The following SELENOI variants were observed in gnomAD, a reference collection of about 807,000 sequenced individuals.
SELENOI encodes selenoprotein I, also known as ethanolaminephosphotransferase 1.
SELENOI carries 24 observed loss-of-function variants against 50.7 expected under a neutral mutation model. The ratio of observed to expected loss-of-function variants is 0.47; its 90% CI spans 0.34 to 0.67. The LOEUF (loss-of-function observed/expected upper bound fraction) is 0.67, where lower values mean the gene tolerates loss of function less well. Among genes scored for constraint, SELENOI ranks in the 30% least tolerant of loss-of-function variants. The pLI is 0.01. For synonymous variants in SELENOI, 155 were observed against 170.2 expected (o/e 0.91, Z 0.70); for missense variants, 352 against 461.4 (o/e 0.76, Z 2.17).
At chr2:26,364,490 TC>T in intron 2 of SELENOI, 120 bp downstream of exon 2, 4 of 669,484 alleles carry the variant, frequency 6.0e-6, no homozygotes, top group Middle Eastern at 8.2e-4. Flanking sequence ...AAACCACCCT[TC>T]CCCAATCACA....
chr2:26,370,836 A>T (rs867339570), intron 4 of SELENOI, among the ~76,000 whole-genome samples: 1 of 38,158 alleles, frequency 2.6e-5, no homozygotes, highest in African/African-American at 1.0e-4. Flanking sequence ...GGGGGCTGAC[A>T]CCCCCACCTC....
chr2:26,382,514 TA>T (rs896034102), intron 6 of SELENOI, among the ~76,000 whole-genome samples: 11 of 152,098 alleles, frequency 7.2e-5, no homozygotes, highest in Non-Finnish European at 1.3e-4. Context: ...ACACAGTGAA[TA>T]AAAAAGTGCT....
intron 9 of SELENOI, among the ~76,000 whole-genome samples, chr2:26,387,219 A>G (rs1677860922): frequency 6.6e-6 from 1 of 152,226 alleles, no homozygotes; most frequent in Non-Finnish European, 1.5e-5. Flanking sequence ...ACGAATATAG[A>G]TATAATGAAA....
intron 1 of SELENOI, among the ~76,000 whole-genome samples, chr2:26,356,900 A>G (rs1677075381): frequency 6.6e-6 from 1 of 151,924 alleles, no homozygotes; most frequent in Non-Finnish European, 1.5e-5. Context: ...GTCTTTGTAC[A>G]TGTTATTGTT....
intron 1 of SELENOI, among the ~76,000 whole-genome samples, chr2:26,352,207 G>A (rs1676974919): frequency 6.6e-6 from 1 of 152,126 alleles, no homozygotes; most frequent in African/African-American, 2.4e-5. Context: ...AGGTTTTGGG[G>A]AGCCACTGTT....
At chr2:26,386,660 AG>A in intron 9 of SELENOI, 124 bp downstream of exon 9, 1 of 778,136 alleles carries the variant, frequency 1.3e-6, no homozygotes, top group Non-Finnish European at 1.9e-6. Context: ...AGTAGCTGTA[AG>A]GGTTTTGGGA....
chr2:26,351,350 A>T (rs1442489390), intron 1 of SELENOI, among the ~76,000 whole-genome samples: 2 of 152,066 alleles, frequency 1.3e-5, no homozygotes, highest in Non-Finnish European at 2.9e-5. Flanking sequence ...GAGCCACTAC[A>T]CCTGGCCTGT....
At chr2:26,372,993 A>G (rs1318109259) in intron 4 of SELENOI, among the ~76,000 whole-genome samples, 1 of 152,170 alleles carries the variant, frequency 6.6e-6, no homozygotes, top group African/African-American at 2.4e-5. Flanking sequence ...GGCTCAAACA[A>G]TCTTCCCACC....
chr2:26,350,518 C>T (rs1251231508), intron 1 of SELENOI, among the ~76,000 whole-genome samples: 2 of 152,150 alleles, frequency 1.3e-5, no homozygotes, highest in African/African-American at 4.8e-5. Flanking sequence ...CGTGCCTGGC[C>T]ATCATACAGT....
In SELENOI at chr2:26,364,813, AATT is replaced by A; in HGVS notation, c.127-15_127-13del. The A allele has an allele frequency of 7.1e-6, 11 of 1,556,106 alleles. No individual in the cohort carries two copies. Among genetic ancestry groups the A allele is most frequent in the Non-Finnish European group, 9.7e-6 (11 of 1,136,350 alleles). ...GATTCCTCTACTTTAATTATTTTAT[AATT>A]ATTTTGCAAAAATAGGTATTTCCTA... On this transcript the variant is annotated splice_polypyrimidine_tract_variant and intron_variant, in intron 2 of 9. Transcript: ENST00000260585.
intron 1 of SELENOI, among the ~76,000 whole-genome samples, chr2:26,354,183 AAG>A (rs1376233378): frequency 6.6e-6 from 1 of 152,150 alleles, no homozygotes; most frequent in Non-Finnish European, 1.5e-5. Context: ...CCATCTGAGA[AAG>A]AGGTACTATT....
chr2:26,371,956 T>C lies in SELENOI; in HGVS notation c.311-1411T>C, dbSNP rs773278913. ...AAATGACATACTTCTTTATCTCTTATCAGCTGAAATCCAACTCATTCTTTA... is the reference window on the plus strand; with the variant it reads ...AAATGACATACTTCTTTATCTCTTACCAGCTGAAATCCAACTCATTCTTTA... On this transcript the variant is annotated intron_variant, in intron 4 of 9. Transcript: ENST00000260585. Among the ~76,000 whole-genome samples the C allele has an allele frequency of 6.2e-4, 94 of 152,148 alleles. 1 individual carries two copies. The highest frequency in any genetic ancestry group is 1.0e-3 in the Non-Finnish European group (68 of 68,014).
intron 1 of SELENOI, among the ~76,000 whole-genome samples, chr2:26,361,535 A>G (rs1308589889): frequency 6.6e-6 from 1 of 152,224 alleles, no homozygotes; most frequent in African/African-American, 2.4e-5. Context: ...GTTAAAATGA[A>G]ACCTTGGTTA....
At chr2:26,357,438 G>T (rs1184460036) in intron 1 of SELENOI, among the ~76,000 whole-genome samples, 3 of 152,148 alleles carry the variant, frequency 2.0e-5, no homozygotes, top group Non-Finnish European at 2.9e-5. Flanking sequence ...TCCTAAGGCT[G>T]CCATAAAAAT....
At chr2:26,359,891 G>T (rs540309931) in intron 1 of SELENOI, among the ~76,000 whole-genome samples, 1 of 152,230 alleles carries the variant, frequency 6.6e-6, no homozygotes, top group African/African-American at 2.4e-5. Flanking sequence ...ATATACAATG[G>T]TGTATAAGGT....
At chr2:26,355,045 G>C (rs575296893) in intron 1 of SELENOI, among the ~76,000 whole-genome samples, 1 of 152,338 alleles carries the variant, frequency 6.6e-6, no homozygotes, top group Admixed American at 6.5e-5. Flanking sequence ...CCTCATCTGT[G>C]AAATGGAGTA....
chr2:26,363,653 T>G (rs2147949540), intron 1 of SELENOI, among the ~76,000 whole-genome samples: 1 of 152,364 alleles, frequency 6.6e-6, no homozygotes, highest in South Asian at 2.1e-4. Flanking sequence ...ACTTCCCCTA[T>G]GATAATATCT....
rs28622524 is a variant in SELENOI, at chr2:26,393,829, C to T, written c.*4726C>T. 101 of 152,252 alleles carry T rather than the reference C, an allele frequency of 6.6e-4. No homozygotes were observed. The highest frequency in any genetic ancestry group is 2.3e-3 in the African/African-American group (96 of 41,540). The allele number at this position is 152,252 out of a possible 1,614,324, so 9.4% of individuals were successfully genotyped here. On this transcript the variant is annotated 3_prime_UTR_variant, in exon 10 of 10. Transcript: ENST00000260585. ...CTGAAGTTAGAGACAGTACTGAAGA[C>T]GAGGGAGTAGCTAAATGCTGTGGAT...
At chr2:26,381,198 CTTTTTTTTTTTTTTTTTTT>C (rs57102834) in intron 6 of SELENOI, among the ~76,000 whole-genome samples, 2 of 30,188 alleles carry the variant, frequency 6.6e-5, no homozygotes, top group Non-Finnish European at 1.0e-4. Flanking sequence ...TCAGTTTGGT[CTTTTTTTTTTTTTTTTTTT>C]TTTTTTTTTT....
Sources: allele counts gnomAD v4.1 joint callset (sites outside exome capture counted in the v4.1 genomes callset), GRCh38; gene constraint gnomAD v4.1.1; transcripts MANE v1.5; gene names NCBI Gene and HGNC (gene_info 2026-07-23, HGNC 2026-07-21).